KIAA1217: variants seen among roughly 807,000 people sequenced by gnomAD.
KIAA1217 encodes the protein sickle tail protein homolog.
Under a neutral mutation model 163.9 loss-of-function variants are expected in KIAA1217, and 88 were observed. The ratio of observed to expected loss-of-function variants is 0.54; its 90% CI spans 0.45 to 0.64. KIAA1217 has a LOEUF of 0.64. Ranked by LOEUF, KIAA1217 falls within the 30% of genes least tolerant of loss-of-function variation. The pLI is 0.00. For missense variants in KIAA1217, 2,372 were observed against 2,475.0 expected (o/e 0.96, Z 0.88); for synonymous variants, 903 against 923.1 (o/e 0.98, Z 0.39).
intron 1 of KIAA1217, among the ~76,000 whole-genome samples, chr10:23,716,893 T>C (rs776952875): frequency 4.7e-4 from 71 of 152,178 alleles, no homozygotes; most frequent in Non-Finnish European, 8.2e-4. Context: ...TATTGTTCTT[T>C]TGGATCCTAA....
At position 24,389,928 on chromosome 10, in the gene KIAA1217, T is replaced by A. The variant is rs529450288; in HGVS notation, c.553+8861T>A. ...CAGGCATCCATCTCTAGTACTGAAG[T>A]GAAGGTGAGGCCCAACTCTGCATCT... On this transcript the variant is annotated intron_variant, in intron 3 of 20. Coordinates refer to ENST00000376454, the MANE Select transcript of KIAA1217 (RefSeq NM_019590.5). 3.3e-5 allele frequency among the ~76,000 whole-genome samples: 5 copies of A among 152,054 alleles called. No individual in the cohort carries two copies. In the South Asian group the frequency reaches 1.0e-3, roughly 32 times the overall value.
At chr10:23,858,191 C>T (rs1839790114) in intron 1 of KIAA1217, among the ~76,000 whole-genome samples, 1 of 152,054 alleles carries the variant, frequency 6.6e-6, no homozygotes, top group South Asian at 2.1e-4. Context: ...CTTAATCCTG[C>T]CAGGTCTCAG....
intron 1 of KIAA1217, among the ~76,000 whole-genome samples, chr10:23,914,566 T>C (rs1229128890): frequency 3.9e-5 from 6 of 152,106 alleles, no homozygotes; most frequent in Non-Finnish European, 1.5e-5. Context: ...CCTCCCACTC[T>C]GGCCTCCCAA....
At chr10:23,932,277 G>A (rs1005950387) in intron 1 of KIAA1217, among the ~76,000 whole-genome samples, 1 of 152,154 alleles carries the variant, frequency 6.6e-6, no homozygotes, top group African/African-American at 2.4e-5. Context: ...GTCGCCTGCA[G>A]GGTCCAAAAA....
In KIAA1217 at chr10:24,251,856, TAAAA is replaced by T. The variant is rs34540873; in HGVS notation, c.354+31968_354+31971del. Among the ~76,000 whole-genome samples, 105 of 119,698 alleles carry T rather than the reference TAAAA, an allele frequency of 8.8e-4. 1 individual carries two copies. The highest frequency in any genetic ancestry group is 2.0e-3 in the East Asian group (8 of 4,080). The allele number at this position is 119,698 out of a possible 152,430, so 78.5% of individuals were successfully genotyped here. A position where few individuals can be genotyped will look rare whatever the true frequency, so the allele number is the denominator to read the frequency against. On this transcript the variant is annotated intron_variant, in intron 2 of 20. Coordinates refer to ENST00000376454, the MANE Select transcript of KIAA1217 (RefSeq NM_019590.5). Reference sequence around the variant, plus strand: ...GGTCCAAGTAAGCTTCTGCATCTGTTAAAAAAAAAAAAAAAAAAAAAAAAGGGGC... The same window carrying T: ...GGTCCAAGTAAGCTTCTGCATCTGTTAAAAAAAAAAAAAAAAAAAAGGGGC...
chr10:24,268,109 A>G (rs1274401227), intron 2 of KIAA1217, among the ~76,000 whole-genome samples: 1 of 152,286 alleles, frequency 6.6e-6, no homozygotes, highest in South Asian at 2.1e-4. Flanking sequence ...AAACACACAC[A>G]AAGCTGTCTG....
At chr10:24,470,001 CTG>C (rs2063330045) in intron 5 of KIAA1217, among the ~76,000 whole-genome samples, 1 of 152,188 alleles carries the variant, frequency 6.6e-6, no homozygotes, top group Admixed American at 6.5e-5. Context: ...GCCTTGGACA[CTG>C]TGTAATGCTT....
chr10:24,068,568 C>G (rs2061060211), intron 2 of KIAA1217, among the ~76,000 whole-genome samples: 1 of 152,074 alleles, frequency 6.6e-6, no homozygotes, highest in Non-Finnish European at 1.5e-5. Context: ...AAAAAACTAC[C>G]ACTTTGCCCA....
chr10:23,813,056 GC>G (rs1248907851), intron 1 of KIAA1217, among the ~76,000 whole-genome samples: 2 of 152,120 alleles, frequency 1.3e-5, no homozygotes, highest in Non-Finnish European at 2.9e-5. Flanking sequence ...ATGTTCACCA[GC>G]AGCATAGAAG....
intron 2 of KIAA1217, among the ~76,000 whole-genome samples, chr10:24,189,469 T>C (rs2066609203): frequency 6.6e-6 from 1 of 152,122 alleles, no homozygotes; most frequent in Admixed American, 6.6e-5. Context: ...ATCCCTTATC[T>C]TCCCCCCAAA....
intron 1 of KIAA1217, among the ~76,000 whole-genome samples, chr10:23,882,848 TTA>T (rs1193670564): frequency 2.0e-5 from 3 of 151,868 alleles, no homozygotes; most frequent in African/African-American, 7.2e-5. Context: ...TGAAAATGGG[TTA>T]AAAAATGGAA....
At chr10:24,503,987 C>A (rs1030260376) in intron 9 of KIAA1217, among the ~76,000 whole-genome samples, 1 of 152,166 alleles carries the variant, frequency 6.6e-6, no homozygotes, top group African/African-American at 2.4e-5. Context: ...CCGCACTTCC[C>A]CTGGGAATTT....
At chr10:24,503,561 C>T (rs1416286644) in intron 9 of KIAA1217, among the ~76,000 whole-genome samples, 1 of 152,198 alleles carries the variant, frequency 6.6e-6, no homozygotes, top group East Asian at 1.9e-4. Context: ...ATAGTAGCCA[C>T]TCAGTTCCAA....
rs1023906137 is a variant in KIAA1217 at position 24,547,797 on chromosome 10, T to C, written c.*1473T>C. ...GGGCTCTTATTATTTTCTCTCTTTT[T>C]AAAAAACTTCCAGTAGAAGTAAAGT... On this transcript the variant is annotated 3_prime_UTR_variant, in exon 21 of 21. Transcript: ENST00000376454. The C allele has an allele frequency of 6.6e-6, 1 of 152,174 alleles. No individual in the cohort carries two copies. The highest frequency in any genetic ancestry group is 2.1e-4 in the South Asian group (1 of 4,824). The allele number at this position is 152,174 out of a possible 1,614,324, so 9.4% of individuals were successfully genotyped here. A position where few individuals can be genotyped will look rare whatever the true frequency, so the allele number is the denominator to read the frequency against.
intron 1 of KIAA1217, among the ~76,000 whole-genome samples, chr10:23,974,684 G>A (rs1461758309): frequency 6.6e-6 from 1 of 152,010 alleles, no homozygotes. Flanking sequence ...AATAAATTGA[G>A]CCTGCTCAGC....
At chr10:23,842,244 A>G (rs1018933555) in intron 1 of KIAA1217, among the ~76,000 whole-genome samples, 2 of 152,122 alleles carry the variant, frequency 1.3e-5, no homozygotes, top group East Asian at 1.9e-4. Context: ...TTTCCAATCT[A>G]CAAGATAGGG....
intron 3 of KIAA1217, among the ~76,000 whole-genome samples, chr10:24,404,514 C>T (rs373918078): frequency 7.5e-6 from 1 of 133,910 alleles, no homozygotes; most frequent in Middle Eastern, 4.6e-3. Context: ...TTGCAGTGAG[C>T]TGAGATCACA....
Position 23,995,450 on chromosome 10 carries a change from C to CTCTGTGTGTGTGTGTGTGTG in KIAA1217, c.-320-11774_-320-11773insCTGTGTGTGTGTGTGTGTGT, listed in dbSNP as rs980015208. ...CAATTCCATTACAGCCAATTATGGC[C>CTCTGTGTGTGTGTGTGTGTG]TGTGTGTGTGTGTGTGTGTGTGTGT... is the stretch of plus-strand genomic sequence containing the variant. On this transcript the variant is annotated intron_variant, in intron 1 of 18. Coordinates refer to the KIAA1217 transcript ENST00000376462. Among the ~76,000 whole-genome samples the CTCTGTGTGTGTGTGTGTGTG allele has an allele frequency of 2.4e-3, 351 of 147,822 alleles. 3 individuals are homozygous for CTCTGTGTGTGTGTGTGTGTG. Among genetic ancestry groups the CTCTGTGTGTGTGTGTGTGTG allele is most frequent in the African/African-American group, 8.4e-3 (336 of 40,098 alleles).
intron 2 of KIAA1217, among the ~76,000 whole-genome samples, chr10:24,098,724 C>CGTGTGTGTGG (rs2062263847): frequency 7.2e-6 from 1 of 139,278 alleles, no homozygotes; most frequent in African/African-American, 2.7e-5. Context: ...TGAAGGGGAG[C>CGTGTGTGTGG]GTGTGTGTGT....
Sources: gnomAD v4.1 joint callset for allele counts (sites outside exome capture counted in the v4.1 genomes callset) on GRCh38, gnomAD v4.1.1 for gene constraint, MANE v1.5 for transcripts, NCBI Gene and HGNC (gene_info 2026-07-23, HGNC 2026-07-21) for gene names.